The following SLCO6A1 variants were observed in gnomAD, a reference collection of about 807,000 sequenced individuals.
SLCO6A1 encodes the protein cancer/testis antigen 48.
A neutral mutation model predicts 72.7 loss-of-function variants in SLCO6A1; 65 were observed. The ratio of observed to expected loss-of-function variants is 0.89; its 90% CI spans 0.73 to 1.10. SLCO6A1 has a LOEUF of 1.10. Among genes scored for constraint, SLCO6A1 ranks in the 50% least tolerant of loss-of-function variants. SLCO6A1 has a pLI of 0.00. For synonymous variants in SLCO6A1, 314 were observed against 298.2 expected (o/e 1.05, Z -0.55); for missense variants, 874 against 872.6 (o/e 1.00, Z -0.02).
At chr5:102,484,415 C>T (rs890908999) in intron 1 of SLCO6A1, among the ~76,000 whole-genome samples, 4 of 152,040 alleles carry the variant, frequency 2.6e-5, no homozygotes, top group African/African-American at 9.6e-5. Context: ...TTTGGGAGGC[C>T]GAGATGGGTG....
At chr5:102,469,323 C>G (rs1751479762) in intron 4 of SLCO6A1, among the ~76,000 whole-genome samples, 1 of 152,106 alleles carries the variant, frequency 6.6e-6, no homozygotes, top group South Asian at 2.1e-4. Flanking sequence ...TTGTTTGTGT[C>G]CTTTTTTATT....
At chr5:102,450,853 G>T (rs1424023385) in intron 6 of SLCO6A1, among the ~76,000 whole-genome samples, 1 of 152,200 alleles carries the variant, frequency 6.6e-6, no homozygotes, top group African/African-American at 2.4e-5. Flanking sequence ...TCTTCACAGG[G>T]CAGCCATGGC....
At chr5:102,402,585 G>A (rs1369487835) in intron 9 of SLCO6A1, among the ~76,000 whole-genome samples, 1 of 152,140 alleles carries the variant, frequency 6.6e-6, no homozygotes, top group Admixed American at 6.5e-5. Context: ...GGCATCTAGT[G>A]AGGGCCTTTA....
At chr5:102,402,182 G>A (rs990790512) in intron 9 of SLCO6A1, among the ~76,000 whole-genome samples, 3 of 152,064 alleles carry the variant, frequency 2.0e-5, no homozygotes, top group Non-Finnish European at 2.9e-5. Flanking sequence ...TATGACCACC[G>A]AAGGACATTG....
At chr5:102,468,308 G>C (rs1276449541) in intron 4 of SLCO6A1, among the ~76,000 whole-genome samples, 5 of 152,044 alleles carry the variant, frequency 3.3e-5, no homozygotes, top group African/African-American at 1.2e-4. Context: ...ATATCCTGCA[G>C]TTTTGGGGTA....
chr5:102,436,781 C>G (rs1028758669), intron 7 of SLCO6A1, among the ~76,000 whole-genome samples: 19 of 152,168 alleles, frequency 1.2e-4, no homozygotes, highest in African/African-American at 4.3e-4. Context: ...AAAGCAACTA[C>G]TAGCTTACAC....
At chr5:102,474,193 T>C (rs1751775640) in intron 4 of SLCO6A1, among the ~76,000 whole-genome samples, 1 of 151,832 alleles carries the variant, frequency 6.6e-6, no homozygotes, top group Admixed American at 6.6e-5. Context: ...AAAGCTACAG[T>C]CCTCAAAACA....
chr5:102,417,556 G>C (rs1358528135), intron 8 of SLCO6A1, among the ~76,000 whole-genome samples: 1 of 151,952 alleles, frequency 6.6e-6, no homozygotes, highest in South Asian at 2.1e-4. Context: ...ACTTAACACA[G>C]TCTACCAACA....
Position 102,399,741 on chromosome 5 carries a change from A to G in SLCO6A1, c.1628T>C (p.Met543Thr). Residue 543 changes from methionine to threonine, a missense_variant and splice_region_variant, in exon 10 of 14, where the codon ATG becomes ACG. Coordinates refer to ENST00000506729, the MANE Select transcript of SLCO6A1 (RefSeq NM_173488.5). ...TTTAATGCAAGAACAATTGTAGTAC[A>G]TCTGTGAGTATTGAAGACAGGAAAC... ...TYSKAQNQKK[M>T]YYNCSCIKEG... The G allele has an allele frequency of 6.4e-7, 1 of 1,555,296 alleles. No individual in the cohort carries two copies. The highest frequency in any genetic ancestry group is 8.7e-7 in the Non-Finnish European group (1 of 1,147,174).
chr5:102,458,718 C>T (rs1251643726), intron 5 of SLCO6A1, among the ~76,000 whole-genome samples: 1 of 152,080 alleles, frequency 6.6e-6, no homozygotes, highest in Non-Finnish European at 1.5e-5. Context: ...CTGCCCAGTC[C>T]AATACTGTAG....
intron 6 of SLCO6A1, among the ~76,000 whole-genome samples, chr5:102,457,243 T>C (rs958621641): frequency 1.3e-5 from 2 of 151,344 alleles, no homozygotes; most frequent in African/African-American, 4.9e-5. Context: ...AAAGCCAAAA[T>C]TGACAAATGG....
Position 102,498,731 on chromosome 5 carries a change from G to C in SLCO6A1, c.114C>G (p.Thr38=), listed in dbSNP as rs778454969. 6.2e-7 allele frequency: 1 copy of C among 1,614,152 alleles called. No homozygotes were observed. Among genetic ancestry groups the C allele is most frequent in the Non-Finnish European group, 8.5e-7 (1 of 1,180,030 alleles). The part of the protein sequence containing the change: ...QPAKDRRAKG[T]PKSSKPGKKH... ...TTTTCCCGGGCTTCGAGGACTTCGG[G>C]GTTCCCTTGGCCCTCCTGTCCTTAG... is the stretch of plus-strand genomic sequence containing the variant. Residue 38 remains threonine, a synonymous_variant, in exon 1 of 14, where the codon ACC becomes ACG. Transcript: ENST00000506729.
At chr5:102,484,998 T>C (rs1752379671) in intron 1 of SLCO6A1, among the ~76,000 whole-genome samples, 1 of 152,112 alleles carries the variant, frequency 6.6e-6, no homozygotes, top group Non-Finnish European at 1.5e-5. Context: ...ATGCCTGTAA[T>C]CCCAGCACTT....
At chr5:102,482,309 G>A (rs1025573081) in intron 1 of SLCO6A1, among the ~76,000 whole-genome samples, 1 of 152,064 alleles carries the variant, frequency 6.6e-6, no homozygotes, top group Non-Finnish European at 1.5e-5. Flanking sequence ...ATGTACATAT[G>A]ACATATTTGT....
intron 7 of SLCO6A1, among the ~76,000 whole-genome samples, chr5:102,423,541 A>G (rs1186443005): frequency 6.6e-6 from 1 of 152,230 alleles, no homozygotes; most frequent in Admixed American, 6.5e-5. Context: ...GGCATTACAT[A>G]TTGGTAAAGG....
intron 6 of SLCO6A1, among the ~76,000 whole-genome samples, chr5:102,446,844 T>A (rs936640635): frequency 6.6e-6 from 1 of 152,282 alleles, no homozygotes; most frequent in East Asian, 1.9e-4. Flanking sequence ...AACCTCTGCC[T>A]CCTGGGTTCA....
At chr5:102,491,444 G>A (rs1387341108) in intron 1 of SLCO6A1, among the ~76,000 whole-genome samples, 4 of 152,212 alleles carry the variant, frequency 2.6e-5, no homozygotes, top group African/African-American at 7.2e-5. Flanking sequence ...AGCAGGGGGC[G>A]GCACTCGTTG....
intron 1 of SLCO6A1, among the ~76,000 whole-genome samples, chr5:102,492,163 T>C (rs993341118): frequency 7.2e-5 from 11 of 152,194 alleles, no homozygotes; most frequent in East Asian, 1.9e-4. Flanking sequence ...TCCTCCAACA[T>C]TGGGGATGAC....
intron 4 of SLCO6A1, 124 bp from the exon 5 acceptor site, chr5:102,459,901 G>T: frequency 1.3e-6 from 1 of 762,266 alleles, no homozygotes; most frequent in Non-Finnish European, 1.9e-6. Flanking sequence ...GACAGAAATG[G>T]AACTTTTTTT....
Sources: allele counts gnomAD v4.1 joint callset (sites outside exome capture counted in the v4.1 genomes callset), GRCh38; gene constraint gnomAD v4.1.1; transcripts MANE v1.5; gene names NCBI Gene and HGNC (gene_info 2026-07-23, HGNC 2026-07-21).